The following SLC17A1 variants were observed in gnomAD, a reference collection of about 807,000 sequenced individuals.
SLC17A1 encodes the protein sodium-dependent phosphate transport protein 1.
Under a neutral mutation model 53.5 loss-of-function variants are expected in SLC17A1, and 51 were observed. That is an observed-to-expected ratio of 0.95 (90% CI 0.76 to 1.20). The LOEUF (loss-of-function observed/expected upper bound fraction) is 1.20. Ranked by LOEUF, SLC17A1 falls within the 50% of genes most tolerant of loss-of-function variation. SLC17A1 has a pLI of 0.00. For synonymous variants in SLC17A1, 179 were observed against 198.8 expected (o/e 0.90, Z 0.84); for missense variants, 538 against 568.2 (o/e 0.95, Z 0.54).
intron 10 of SLC17A1, among the ~76,000 whole-genome samples, chr6:25,810,215 G>C (rs1764107092): frequency 6.6e-6 from 1 of 151,960 alleles, no homozygotes; most frequent in African/African-American, 2.4e-5. Flanking sequence ...TGATTTTTTT[G>C]GTTAGGATCA....
At chr6:25,745,555 A>G in the SLC17A1 span, among the ~76,000 whole-genome samples, 1 of 152,224 alleles carries the variant, frequency 6.6e-6, no homozygotes, top group African/African-American at 2.4e-5. Flanking sequence ...CAATGTGGGT[A>G]AGGCCAGATC....
At chr6:25,763,162 CT>C in the SLC17A1 span, among the ~76,000 whole-genome samples, 7 of 152,110 alleles carry the variant, frequency 4.6e-5, no homozygotes, top group Admixed American at 4.6e-4. Context: ...TTTCTGGTTC[CT>C]TCTATAGTCT....
Position 25,811,565 on chromosome 6 carries a change from A to G in SLC17A1, c.1031-20T>C. ...GAAATCCTGGGGAGTGATTCAGACA[A>G]CATAGTCAGGTGCATCCTAAAGATA... On this transcript the variant is annotated intron_variant, in intron 9 of 12. Coordinates refer to ENST00000244527, the MANE Select transcript of SLC17A1 (RefSeq NM_005074.5). The G allele has an allele frequency of 6.2e-7, 1 of 1,613,654 alleles. No homozygotes were observed. Among genetic ancestry groups the G allele is most frequent in the Non-Finnish European group, 8.5e-7 (1 of 1,179,726 alleles).
At chr6:25,729,928 C>T in the SLC17A1 span, among the ~76,000 whole-genome samples, 1 of 152,022 alleles carries the variant, frequency 6.6e-6, no homozygotes, top group Non-Finnish European at 1.5e-5. Context: ...CTATACACAG[C>T]TTAATATAAA....
chr6:25,803,448 C>T (rs532836013), intron 10 of SLC17A1, among the ~76,000 whole-genome samples: 30 of 152,198 alleles, frequency 2.0e-4, no homozygotes, highest in African/African-American at 7.2e-4. Context: ...GATTTATGTT[C>T]TCCAGAGAGT....
the SLC17A1 span, among the ~76,000 whole-genome samples, chr6:25,735,483 C>T: frequency 6.6e-6 from 1 of 152,144 alleles, no homozygotes; most frequent in African/African-American, 2.4e-5. Flanking sequence ...TGCTGTAACA[C>T]ATCACAAACT....
intron 3 of SLC17A1, among the ~76,000 whole-genome samples, chr6:25,820,126 C>G (rs62394270): frequency 0.093 from 14,140 of 152,246 alleles, 835 homozygotes; most frequent in Middle Eastern, 0.15. Flanking sequence ...AAAGTCCTCA[C>G]AGCCAAGGAC....
the SLC17A1 span, among the ~76,000 whole-genome samples, chr6:25,762,483 T>C: frequency 2.6e-5 from 4 of 152,208 alleles, no homozygotes; most frequent in African/African-American, 9.6e-5. Context: ...CTTTCTCTTA[T>C]CTATATTACA....
chr6:25,763,259 A>C, the SLC17A1 span, among the ~76,000 whole-genome samples: 1 of 151,952 alleles, frequency 6.6e-6, no homozygotes, highest in Admixed American at 6.6e-5. Flanking sequence ...TTTGTAACCC[A>C]CTTTACCCTG....
the SLC17A1 span, among the ~76,000 whole-genome samples, chr6:25,772,469 C>T: frequency 6.6e-6 from 1 of 151,992 alleles, no homozygotes; most frequent in African/African-American, 2.4e-5. Context: ...GACATGCTAG[C>T]CAAACAAAGA....
chr6:25,733,696 G>A, the SLC17A1 span, among the ~76,000 whole-genome samples: 1 of 151,184 alleles, frequency 6.6e-6, no homozygotes, highest in Non-Finnish European at 1.5e-5. Context: ...ATATAAATAT[G>A]TTCATACTTA....
chr6:25,809,375 A>C (rs1283183218), intron 10 of SLC17A1, among the ~76,000 whole-genome samples: 1 of 152,078 alleles, frequency 6.6e-6, no homozygotes, highest in Admixed American at 6.6e-5. Flanking sequence ...CTGTATTTGC[A>C]TGCCTTAAAT....
At chr6:25,728,639 C>A in the SLC17A1 span, among the ~76,000 whole-genome samples, 2 of 152,040 alleles carry the variant, frequency 1.3e-5, no homozygotes, top group Non-Finnish European at 2.9e-5. Flanking sequence ...ATGGTGAAAC[C>A]CTGTCTCTAC....
the SLC17A1 span, chr6:25,769,190 G>A: frequency 6.2e-7 from 1 of 1,613,120 alleles, no homozygotes; most frequent in South Asian, 1.1e-5. Flanking sequence ...TTAAAGCAAT[G>A]GTAAGTTTAA....
At chr6:25,749,135 G>A in the SLC17A1 span, among the ~76,000 whole-genome samples, 1 of 152,210 alleles carries the variant, frequency 6.6e-6, no homozygotes, top group African/African-American at 2.4e-5. Flanking sequence ...ATCACATGGG[G>A]AGAAACCTTG....
chr6:25,828,365 T>C (rs1764826781), intron 2 of SLC17A1, among the ~76,000 whole-genome samples: 1 of 152,152 alleles, frequency 6.6e-6, no homozygotes, highest in Admixed American at 6.6e-5. Context: ...TGGAATTCTG[T>C]CTACTGCACA....
At chr6:25,783,976 G>C (rs1763324395) in intron 12 of SLC17A1, among the ~76,000 whole-genome samples, 1 of 118,998 alleles carries the variant, frequency 8.4e-6, no homozygotes, top group Non-Finnish European at 1.8e-5. Flanking sequence ...ACCTGAAAAG[G>C]GGGAGTGGCC....
chr6:25,805,708 T>C (rs760645869), intron 10 of SLC17A1, among the ~76,000 whole-genome samples: 2 of 151,796 alleles, frequency 1.3e-5, no homozygotes, highest in Non-Finnish European at 2.9e-5. Context: ...ACTACAGAAA[T>C]ACAAAAGACC....
the SLC17A1 span, among the ~76,000 whole-genome samples, chr6:25,766,923 A>C: frequency 6.6e-6 from 1 of 152,230 alleles, no homozygotes; most frequent in Non-Finnish European, 1.5e-5. Context: ...GGAACAGAAA[A>C]AGGACATTAG....
Sources: allele counts gnomAD v4.1 joint callset (sites outside exome capture counted in the v4.1 genomes callset), GRCh38; gene constraint gnomAD v4.1.1; transcripts MANE v1.5; gene names NCBI Gene and HGNC (gene_info 2026-07-23, HGNC 2026-07-21).